The following EML1 variants were observed in gnomAD, a reference collection of about 807,000 sequenced individuals.
The protein encoded by EML1 is echinoderm microtubule-associated protein-like 1.
In EML1, 27 loss-of-function variants were observed where a neutral mutation model predicts 110.4. That is an observed-to-expected ratio of 0.24 (90% CI 0.18 to 0.34). EML1 has a LOEUF of 0.34. Among genes scored for constraint, EML1 ranks in the 10% least tolerant of loss-of-function variants. The probability of loss-of-function intolerance (pLI) is 1.00; values close to 1 mark genes in which losing one functional copy is unlikely to be tolerated. For synonymous variants in EML1, 344 were observed against 385.8 expected (o/e 0.89, Z 1.27); for missense variants, 741 against 1,030.9 (o/e 0.72, Z 3.85).
At chr14:99,874,937 C>T in intron 3 of EML1, 1 of 1,613,228 alleles carries the variant, frequency 6.2e-7, no homozygotes. Context: ...GTAGATTAAA[C>T]AGATCTGTGA....
chr14:99,743,169 T>C (rs2057064103), intron 1 of EML1, among the ~76,000 whole-genome samples: 1 of 152,184 alleles, frequency 6.6e-6, no homozygotes. Context: ...AAAGAGAGAC[T>C]GGCTCAGTCA....
At chr14:99,771,687 C>CT (rs1415569435), upstream of EML1, among the ~76,000 whole-genome samples, 9 of 152,140 alleles carry the variant, frequency 5.9e-5, no homozygotes, top group African/African-American at 1.9e-4. Flanking sequence ...TGGTGTGTGC[C>CT]TGCAGTCCCA....
chr14:99,920,021 C>T (rs1316429892), intron 16 of EML1, among the ~76,000 whole-genome samples: 1 of 152,212 alleles, frequency 6.6e-6, no homozygotes, highest in East Asian at 1.9e-4. Flanking sequence ...ACCAGGGGCT[C>T]ACCACCACCC....
chr14:99,800,876 C>T (rs1055979453), intron 1 of EML1, among the ~76,000 whole-genome samples: 6 of 152,274 alleles, frequency 3.9e-5, no homozygotes, highest in East Asian at 1.9e-4. Context: ...GGGGCAGGTT[C>T]GACCTATAGA....
intron 1 of EML1, among the ~76,000 whole-genome samples, chr14:99,755,145 G>C (rs1331068028): frequency 3.9e-5 from 6 of 152,236 alleles, no homozygotes; most frequent in African/African-American, 1.4e-4. Flanking sequence ...GGGCCTCTGG[G>C]CCCAATCCCT....
At chr14:99,740,891 C>T (rs554678855) in intron 1 of EML1, among the ~76,000 whole-genome samples, 1 of 152,310 alleles carries the variant, frequency 6.6e-6, no homozygotes, top group South Asian at 2.1e-4. Context: ...TTGTCTTTTC[C>T]TGCCTTTGAC....
At chr14:99,832,175 G>C (rs978797780) in intron 1 of EML1, among the ~76,000 whole-genome samples, 2 of 152,128 alleles carry the variant, frequency 1.3e-5, no homozygotes, top group Non-Finnish European at 2.9e-5. Context: ...GCACAATTTT[G>C]ATATTCATCC....
chr14:99,813,859 T>C (rs1420962040), intron 1 of EML1, among the ~76,000 whole-genome samples: 1 of 152,194 alleles, frequency 6.6e-6, no homozygotes, highest in African/African-American at 2.4e-5. Context: ...ATATTTATTT[T>C]TATGCTCCAG....
chr14:99,743,180 C>T (rs570151387), intron 1 of EML1, among the ~76,000 whole-genome samples: 147 of 152,310 alleles, frequency 9.7e-4, no homozygotes, highest in African/African-American at 3.3e-3. Flanking sequence ...GGCTCAGTCA[C>T]CCAGCGAGGG....
At chr14:99,833,857 A>G (rs1380275229) in intron 1 of EML1, among the ~76,000 whole-genome samples, 1 of 152,164 alleles carries the variant, frequency 6.6e-6, no homozygotes, top group Non-Finnish European at 1.5e-5. Context: ...ACCTTGATAA[A>G]CTTACTTATT....
At chr14:99,861,416 G>A (rs890096637) in intron 2 of EML1, among the ~76,000 whole-genome samples, 3 of 152,178 alleles carry the variant, frequency 2.0e-5, no homozygotes, top group African/African-American at 7.2e-5. Context: ...ACACAGTTTT[G>A]TTGTTGGTAA....
chr14:99,755,792 G>T (rs565223564), intron 1 of EML1, among the ~76,000 whole-genome samples: 1 of 152,302 alleles, frequency 6.6e-6, no homozygotes, highest in East Asian at 1.9e-4. Context: ...TGTGTGCATG[G>T]TAGGTGTGCG....
At chr14:99,897,454 T>C (rs749308334) in intron 7 of EML1, among the ~76,000 whole-genome samples, 160 bp downstream of exon 7, 13 of 152,122 alleles carry the variant, frequency 8.5e-5, no homozygotes, top group Non-Finnish European at 1.8e-4. Flanking sequence ...GAAATAGCAT[T>C]AGCAGAACAC....
At chr14:99,863,360 C>G (rs932520655) in intron 2 of EML1, among the ~76,000 whole-genome samples, 1 of 152,196 alleles carries the variant, frequency 6.6e-6, no homozygotes, top group African/African-American at 2.4e-5. Flanking sequence ...GTTTCCCTGT[C>G]TCCTAGATGG....
At chr14:99,872,499 A>G (rs1363277393) in intron 3 of EML1, among the ~76,000 whole-genome samples, 1 of 152,164 alleles carries the variant, frequency 6.6e-6, no homozygotes, top group Non-Finnish European at 1.5e-5. Flanking sequence ...CTAATAAGCT[A>G]TTGTCAGCAT....
intron 1 of EML1, among the ~76,000 whole-genome samples, chr14:99,742,000 G>A (rs2057048674): frequency 6.6e-6 from 1 of 152,158 alleles, no homozygotes; most frequent in South Asian, 2.1e-4. Flanking sequence ...GGGAGCCTTT[G>A]GTGCTGAGTG....
chr14:99,880,623 T>C (rs1347719057), intron 4 of EML1, among the ~76,000 whole-genome samples: 1 of 152,198 alleles, frequency 6.6e-6, no homozygotes, highest in Non-Finnish European at 1.5e-5. Flanking sequence ...GACATGTCCA[T>C]TGTTCCTGCA....
chr14:99,878,825 G>T (rs1471445401), intron 4 of EML1, among the ~76,000 whole-genome samples: 1 of 139,364 alleles, frequency 7.2e-6, no homozygotes, highest in Non-Finnish European at 1.6e-5. Flanking sequence ...TACCGTCCAG[G>T]TGGAAAAACT....
chr14:99,779,180 A>AAT (rs2057513603), intron 1 of EML1, among the ~76,000 whole-genome samples: 1 of 152,080 alleles, frequency 6.6e-6, no homozygotes, highest in Admixed American at 6.5e-5. Context: ...TGAACTTCCC[A>AAT]ATATGATATC....
Sources: gnomAD v4.1 joint callset for allele counts (sites outside exome capture counted in the v4.1 genomes callset) on GRCh38, gnomAD v4.1.1 for gene constraint, MANE v1.5 for transcripts, NCBI Gene and HGNC (gene_info 2026-07-23, HGNC 2026-07-21) for gene names.